Variants in CLVS1 observed in about 807,000 individuals in gnomAD.
CLVS1 encodes the protein clavesin 1, also known as clavesin-1.
A neutral mutation model predicts 33.1 loss-of-function variants in CLVS1; 10 were observed. The observed-to-expected ratio is 0.30, with a 90% confidence interval of 0.19 to 0.51. The LOEUF is 0.51. CLVS1 is among the 20% of genes least tolerant of loss of function. CLVS1 has a pLI of 0.97. For synonymous variants in CLVS1, 163 were observed against 166.1 expected, an observed-to-expected ratio of 0.98 and a Z score of 0.14; for missense variants, 343 against 433.4, an observed-to-expected ratio of 0.79 and a Z score of 1.85.
At chr8:61,244,851 A>AT (rs894946780) in intron 2 of CLVS1, among the ~76,000 whole-genome samples, 3 of 151,956 alleles carry the variant, frequency 2.0e-5, no homozygotes, top group African/African-American at 7.2e-5. Flanking sequence ...TTCATTAAAA[A>AT]TTTTTTTTAC....
At chr8:61,014,578 T>G in the CLVS1 span, among the ~76,000 whole-genome samples, 1,315 of 152,370 alleles carry the variant, frequency 8.6e-3, 14 homozygotes, top group Non-Finnish European at 0.012. Context: ...AAGAAATTAC[T>G]GTAACTTGTG....
At chr8:60,976,667 A>G in the CLVS1 span, among the ~76,000 whole-genome samples, 2 of 152,280 alleles carry the variant, frequency 1.3e-5, no homozygotes, top group Non-Finnish European at 2.9e-5. Context: ...AGTCTAATAG[A>G]ACAATTGAAC....
chr8:60,986,574 G>A, the CLVS1 span, among the ~76,000 whole-genome samples: 3 of 152,214 alleles, frequency 2.0e-5, no homozygotes, highest in Non-Finnish European at 4.4e-5. Context: ...CAAAAAGCTC[G>A]CAGGAATTGA....
At chr8:61,259,590 G>A (rs1212468586) in intron 2 of CLVS1, among the ~76,000 whole-genome samples, 1 of 152,188 alleles carries the variant, frequency 6.6e-6, no homozygotes, top group South Asian at 2.1e-4. Context: ...CGAAGATCTG[G>A]TAATAAAAGA....
intron 1 of CLVS1, among the ~76,000 whole-genome samples, chr8:61,089,929 GTTTA>G (rs1209303223): frequency 6.6e-6 from 1 of 151,898 alleles, no homozygotes; most frequent in Non-Finnish European, 1.5e-5. Flanking sequence ...TGTTTTGTTT[GTTTA>G]TTGTTAAAAA....
chr8:61,323,347 A>C (rs1811266322), intron 2 of CLVS1, among the ~76,000 whole-genome samples: 1 of 152,174 alleles, frequency 6.6e-6, no homozygotes, highest in African/African-American at 2.4e-5. Context: ...CCTGTTGACG[A>C]AAGCACATCA....
intron 2 of CLVS1, among the ~76,000 whole-genome samples, chr8:61,211,477 C>G (rs958492159): frequency 3.3e-5 from 5 of 151,726 alleles, no homozygotes; most frequent in African/African-American, 1.2e-4. Flanking sequence ...CTGCCTCCCC[C>G]TCTCCTCCTC....
At chr8:61,097,087 G>A (rs1001367041) in intron 1 of CLVS1, among the ~76,000 whole-genome samples, 12 of 152,126 alleles carry the variant, frequency 7.9e-5, no homozygotes, top group African/African-American at 1.9e-4. Context: ...TAGGCTGGGC[G>A]TGGTGGCTCA....
rs146673307 is a variant in CLVS1, at chr8:61,434,513, A to G, written c.631-19628A>G. 2.9e-3 allele frequency among the ~76,000 whole-genome samples: 435 copies of G among 152,312 alleles called. 6 individuals carry two copies. Among genetic ancestry groups the G allele is most frequent in the South Asian group, 0.028 (135 of 4,830 alleles). On this transcript the variant is annotated intron_variant, in intron 3 of 5. Coordinates refer to ENST00000325897, the MANE Select transcript of CLVS1 (RefSeq NM_173519.3). ...TGGTTGGGGTATAGCTTAGTTTTATATATTTTAGGGAGGAGGCATGAGACA... is the reference window on the plus strand; with the variant it reads ...TGGTTGGGGTATAGCTTAGTTTTATGTATTTTAGGGAGGAGGCATGAGACA...
intron 3 of CLVS1, chr8:61,391,215 G>A (rs1814291188): frequency 6.6e-6 from 1 of 152,214 alleles, no homozygotes; most frequent in East Asian, 1.9e-4. Context: ...TGTGAGAAAT[G>A]TCAGCCAATC....
intron 1 of CLVS1, among the ~76,000 whole-genome samples, chr8:61,106,798 A>G (rs1319948106): frequency 6.6e-6 from 1 of 152,158 alleles, no homozygotes; most frequent in Non-Finnish European, 1.5e-5. Context: ...AGTCAGCCCA[A>G]CTTTGCCTGG....
intron 2 of CLVS1, among the ~76,000 whole-genome samples, chr8:61,274,745 C>T (rs1809530945): frequency 6.6e-6 from 1 of 152,164 alleles, no homozygotes; most frequent in Non-Finnish European, 1.5e-5. Context: ...ATTTAAAACA[C>T]ATCCTTTTTG....
the CLVS1 span, among the ~76,000 whole-genome samples, chr8:61,027,330 A>G: frequency 2.0e-5 from 3 of 152,208 alleles, no homozygotes; most frequent in South Asian, 2.1e-4. Context: ...TGTTTTATAC[A>G]TATATACACC....
rs1236239657 is a variant in CLVS1 at position 61,500,080 on chromosome 8, T to TAA, written c.*539_*540dup. ...ATCACCAGCATCGAATTGTTCAGCCTAAGAGCATGTTCTCATAGGTCTGGG... is the reference window on the plus strand; with the variant it reads ...ATCACCAGCATCGAATTGTTCAGCCTAAAAGAGCATGTTCTCATAGGTCTGGG... On this transcript the variant is annotated 3_prime_UTR_variant, in exon 6 of 6. Transcript: ENST00000325897. 6.5e-6 allele frequency: 1 copy of TAA among 152,820 alleles called. No individual in the cohort carries two copies. The allele number at this position is 152,820 out of a possible 1,614,324, so 9.5% of individuals were successfully genotyped here.
At chr8:61,435,756 T>A (rs1708719719) in intron 3 of CLVS1, among the ~76,000 whole-genome samples, 1 of 152,146 alleles carries the variant, frequency 6.6e-6, no homozygotes, top group South Asian at 2.1e-4. Context: ...GATAAAGATG[T>A]AAGGAATATA....
intron 1 of CLVS1, among the ~76,000 whole-genome samples, chr8:61,080,868 G>A (rs555118603): frequency 3.5e-4 from 54 of 152,298 alleles, no homozygotes; most frequent in African/African-American, 1.1e-3. Context: ...AAGAGTTAGC[G>A]CTTGGCTGTA....
chr8:61,276,275 A>G lies in CLVS1; in HGVS notation c.-151-23402A>G, dbSNP rs1423848004. ...CACATTAGTTTACACTCTATTTTCA[A>G]TTTCTTCCCTTCCCTTCTTATTTCT... On this transcript the variant is annotated intron_variant, in intron 2 of 2. Transcript: ENST00000522621. Among the ~76,000 whole-genome samples the G allele has an allele frequency of 3.9e-5, 6 of 152,184 alleles. No homozygotes were observed. In the East Asian group the frequency reaches 1.2e-3, roughly 29 times the overall value.
intron 2 of CLVS1, among the ~76,000 whole-genome samples, chr8:61,210,371 C>T (rs1034599924): frequency 1.3e-5 from 2 of 152,214 alleles, no homozygotes; most frequent in Non-Finnish European, 2.9e-5. Context: ...ACCCCCAGGC[C>T]TCAGAACTGT....
intron 5 of CLVS1, among the ~76,000 whole-genome samples, chr8:61,477,005 G>A (rs1817964945): frequency 6.6e-6 from 1 of 151,348 alleles, no homozygotes; most frequent in South Asian, 2.1e-4. Context: ...TTTCTAGCAT[G>A]AAGGTTGTTG....
Sources: gnomAD v4.1 joint callset for allele counts (sites outside exome capture counted in the v4.1 genomes callset) on GRCh38, gnomAD v4.1.1 for gene constraint, MANE v1.5 for transcripts, NCBI Gene and HGNC (gene_info 2026-07-23, HGNC 2026-07-21) for gene names.